Variants in TASP1 observed in about 807,000 individuals in gnomAD.
TASP1 encodes the protein threonine aspartase 1.
TASP1 carries 16 observed loss-of-function variants against 56.6 expected under a neutral mutation model. That is an observed-to-expected ratio of 0.28 (90% CI 0.19 to 0.43). The LOEUF is 0.43. Ranked by LOEUF, TASP1 falls within the 20% of genes least tolerant of loss-of-function variation. The pLI is 1.00. For missense variants in TASP1, 393 were observed against 511.6 expected, an observed-to-expected ratio of 0.77 and a Z score of 2.24; for synonymous variants, 179 against 184.2, an observed-to-expected ratio of 0.97 and a Z score of 0.23.
intron 11 of TASP1, 35 bp downstream of exon 11, chr20:13,483,192 T>C: frequency 6.9e-7 from 1 of 1,447,576 alleles, no homozygotes; most frequent in Non-Finnish European, 9.4e-7. Context: ...ATAATCCATA[T>C]TTAGAAGATG....
chr20:13,464,435 T>C (rs1045319777), intron 11 of TASP1, among the ~76,000 whole-genome samples: 1 of 152,182 alleles, frequency 6.6e-6, no homozygotes, highest in Non-Finnish European at 1.5e-5. Flanking sequence ...AAATTTCTGT[T>C]GTTTGAGCCA....
chr20:13,623,348 A>T (rs1344237264), intron 4 of TASP1, 98 bp downstream of exon 4: 1 of 966,378 alleles, frequency 1.0e-6, no homozygotes, highest in Non-Finnish European at 1.6e-6. Flanking sequence ...AACACTGCTC[A>T]TATAATTTAT....
At chr20:13,447,447 G>T (rs1334035092) in intron 11 of TASP1, among the ~76,000 whole-genome samples, 3 of 152,066 alleles carry the variant, frequency 2.0e-5, no homozygotes, top group African/African-American at 4.8e-5. Context: ...GCAGAAAAGT[G>T]CCTAGCTTCC....
the TASP1 span, among the ~76,000 whole-genome samples, chr20:13,340,531 T>C: frequency 6.6e-6 from 1 of 152,178 alleles, no homozygotes; most frequent in Non-Finnish European, 1.5e-5. Context: ...TATTTTTTTA[T>C]TTTTATGGAT....
the TASP1 span, among the ~76,000 whole-genome samples, chr20:13,368,858 T>C: frequency 6.6e-6 from 1 of 152,196 alleles, no homozygotes; most frequent in African/African-American, 2.4e-5. Context: ...CAGCTGGACC[T>C]GAAATACTCT....
chr20:13,383,572 G>C, the TASP1 span, among the ~76,000 whole-genome samples: 1 of 152,168 alleles, frequency 6.6e-6, no homozygotes, highest in Admixed American at 6.5e-5. Flanking sequence ...ACCTAAACCT[G>C]TAGAAGGCCT....
At chr20:13,279,607 G>A in the TASP1 span, 1 of 1,598,794 alleles carries the variant, frequency 6.3e-7, no homozygotes, top group African/African-American at 1.3e-5. Flanking sequence ...ACTCCACACT[G>A]ACCCCAGCCT....
At chr20:13,271,875 C>T in the TASP1 span, among the ~76,000 whole-genome samples, 1 of 152,150 alleles carries the variant, frequency 6.6e-6, no homozygotes, top group Admixed American at 6.5e-5. Context: ...ACCTCCCAGG[C>T]TCAAGCGATC....
chr20:13,578,482 T>C (rs2047007661), intron 6 of TASP1, among the ~76,000 whole-genome samples: 1 of 152,166 alleles, frequency 6.6e-6, no homozygotes, highest in African/African-American at 2.4e-5. Context: ...ATAATAGGTA[T>C]ACATCTTCAC....
At chr20:13,223,865 A>G in the TASP1 span, among the ~76,000 whole-genome samples, 46,272 of 152,110 alleles carry the variant, frequency 0.3, 8,063 homozygotes, top group Admixed American at 0.38. Context: ...AAGCCATAAA[A>G]ATGATGTTCT....
At chr20:13,276,743 T>A in the TASP1 span, among the ~76,000 whole-genome samples, 1 of 152,216 alleles carries the variant, frequency 6.6e-6, no homozygotes, top group Non-Finnish European at 1.5e-5. Context: ...ATCAACGGAT[T>A]CTTTGATGCT....
chr20:13,284,661 C>T, the TASP1 span, among the ~76,000 whole-genome samples: 1 of 152,114 alleles, frequency 6.6e-6, no homozygotes, highest in Admixed American at 6.6e-5. Flanking sequence ...GGGTCTTTGC[C>T]GGGACATTGA....
At chr20:13,550,159 C>CACACACAG (rs1555786703) in intron 8 of TASP1, among the ~76,000 whole-genome samples, 1 of 150,392 alleles carries the variant, frequency 6.6e-6, no homozygotes, top group Non-Finnish European at 1.5e-5. Context: ...CACACACACA[C>CACACACAG]ACACACACAC....
the TASP1 span, among the ~76,000 whole-genome samples, chr20:13,111,598 C>T: frequency 6.6e-6 from 1 of 152,182 alleles, no homozygotes; most frequent in Non-Finnish European, 1.5e-5. Flanking sequence ...CATATTGACT[C>T]TGGGCTGTCA....
the TASP1 span, among the ~76,000 whole-genome samples, chr20:13,129,446 G>T: frequency 6.6e-6 from 1 of 152,188 alleles, no homozygotes; most frequent in Non-Finnish European, 1.5e-5. Flanking sequence ...AACTTCAAGT[G>T]TTTCTTAATG....
At chr20:13,110,036 C>A in the TASP1 span, 2 of 1,283,668 alleles carry the variant, frequency 1.6e-6, no homozygotes, top group Non-Finnish European at 2.2e-6. Flanking sequence ...GAACATAAAA[C>A]ATCTGGAAAA....
At chr20:13,221,954 G>A in the TASP1 span, 1 of 1,307,362 alleles carries the variant, frequency 7.6e-7, no homozygotes, top group Non-Finnish European at 9.7e-7. Flanking sequence ...CGGCTGCGGG[G>A]ACGGTTTGTG....
intron 10 of TASP1, among the ~76,000 whole-genome samples, chr20:13,523,724 C>T (rs779941273): frequency 2.0e-5 from 3 of 152,110 alleles, no homozygotes; most frequent in Non-Finnish European, 4.4e-5. Flanking sequence ...TAGAAATGCC[C>T]AGAGCCAAGA....
chr20:13,417,972 G>A (rs1331085028), intron 12 of TASP1, among the ~76,000 whole-genome samples: 2 of 152,212 alleles, frequency 1.3e-5, no homozygotes, highest in African/African-American at 4.8e-5. Context: ...GAGTGCAATG[G>A]CGCAATCCCA....
Sources: allele counts gnomAD v4.1 joint callset (sites outside exome capture counted in the v4.1 genomes callset), GRCh38; gene constraint gnomAD v4.1.1; transcripts MANE v1.5; gene names NCBI Gene and HGNC (gene_info 2026-07-23, HGNC 2026-07-21).